SHROOM2: variants seen among roughly 807,000 people sequenced by gnomAD.
SHROOM2 encodes the protein protein Shroom2.
In SHROOM2, 33 loss-of-function variants were observed where a neutral mutation model predicts 75.9. That is an observed-to-expected ratio of 0.43 (90% CI 0.33 to 0.58). The LOEUF is 0.58. Among genes scored for constraint, SHROOM2 ranks in the 20% least tolerant of loss-of-function variants. The pLI is 0.04. For missense variants in SHROOM2, 1,434 were observed against 1,461.2 expected, an observed-to-expected ratio of 0.98 and a Z score of 0.30; for synonymous variants, 655 against 663.6, an observed-to-expected ratio of 0.99 and a Z score of 0.20.
intron 5 of SHROOM2, among the ~76,000 whole-genome samples, chrX:9,922,136 G>A (rs917256312): frequency 9.0e-6 from 1 of 111,620 alleles, no homozygotes; most frequent in African/African-American, 3.3e-5. Context: ...TCAGTGCATC[G>A]TTGAATTCCT....
intron 1 of SHROOM2, among the ~76,000 whole-genome samples, chrX:9,860,364 G>C (rs761514250): frequency 1.8e-5 from 2 of 112,021 alleles, no homozygotes; most frequent in South Asian, 7.5e-4. Flanking sequence ...ACATTCTTCT[G>C]TGGGTCTTGT....
intron 1 of SHROOM2, among the ~76,000 whole-genome samples, chrX:9,816,543 C>T (rs1421791825): frequency 9.1e-6 from 1 of 110,264 alleles, no homozygotes; most frequent in Non-Finnish European, 1.9e-5. Context: ...CCTTGTGGTC[C>T]TTGTGGTGGC....
chrX:9,809,006 C>CA (rs914500067), intron 1 of SHROOM2, among the ~76,000 whole-genome samples: 16 of 110,446 alleles, frequency 1.4e-4, no homozygotes, highest in African/African-American at 4.6e-4. Flanking sequence ...TTTATCACCC[C>CA]AAAAAAGAAT....
At chrX:9,850,428 T>C (rs1318672968) in intron 1 of SHROOM2, among the ~76,000 whole-genome samples, 1 of 112,029 alleles carries the variant, frequency 8.9e-6, no homozygotes, top group Non-Finnish European at 1.9e-5. Flanking sequence ...GTTAGCGGCC[T>C]GCTCCCTGGT....
At position 9,891,917 on chromosome X, in the gene SHROOM2, G is replaced by A. The variant is rs190353986; in HGVS notation, c.449+809G>A. 4.5e-3 allele frequency among the ~76,000 whole-genome samples: 493 copies of A among 110,163 alleles called. 1 individual carries two copies. Among genetic ancestry groups the A allele is most frequent in the African/African-American group, 0.015 (461 of 30,291 alleles). On this transcript the variant is annotated intron_variant, in intron 3 of 9. Coordinates refer to ENST00000380913, the MANE Select transcript of SHROOM2 (RefSeq NM_001649.4). ...TGCGCGTGCGTGCACACGCAGGTAT[G>A]TGTCTGTGTTTGGAGCTAATGTAAC...
chrX:9,915,832 C>T (rs1371336027), intron 5 of SHROOM2, among the ~76,000 whole-genome samples: 3 of 112,200 alleles, frequency 2.7e-5, no homozygotes, highest in Non-Finnish European at 5.6e-5. Context: ...AGAAGATAGG[C>T]AGGCAATGAT....
At chrX:9,839,106 G>A (rs185322250) in intron 1 of SHROOM2, among the ~76,000 whole-genome samples, 1 of 111,512 alleles carries the variant, frequency 9.0e-6, no homozygotes, top group East Asian at 2.8e-4. Context: ...AGGTGGCACT[G>A]GGTGTTGAGA....
In SHROOM2 at chrX:9,947,022, G is replaced by A; in HGVS notation, c.*85G>A. 2.1e-6 allele frequency: 2 copies of A among 947,526 alleles called. No homozygotes were observed. The highest frequency in any genetic ancestry group is 2.8e-6 in the Non-Finnish European group (2 of 702,234). 78.1% of individuals were successfully genotyped at this position (947,526 alleles called of 1,213,427 possible). ...GGATACTCGTGAAGACCCCATCTGT[G>A]TTCATGGCCTGGAAAGAGACTTCTC... On this transcript the variant is annotated 3_prime_UTR_variant, in exon 10 of 10. Coordinates refer to ENST00000380913, the MANE Select transcript of SHROOM2 (RefSeq NM_001649.4).
chrX:9,896,849 T>C (rs972982202), intron 4 of SHROOM2, 151 bp downstream of exon 4: 17 of 618,351 alleles, frequency 2.7e-5, no homozygotes, highest in Non-Finnish European at 3.5e-5. Flanking sequence ...TTAGAGGTAT[T>C]TGGGGACAAA....
At chrX:9,884,841 T>A (rs1601965618) in intron 2 of SHROOM2, among the ~76,000 whole-genome samples, 1 of 111,667 alleles carries the variant, frequency 9.0e-6, no homozygotes, top group Non-Finnish European at 1.9e-5. Flanking sequence ...GAAAACTCGA[T>A]ATTGTCGATA....
At chrX:9,929,041 C>T (rs898531912) in intron 5 of SHROOM2, among the ~76,000 whole-genome samples, 2 of 112,610 alleles carry the variant, frequency 1.8e-5, no homozygotes, top group African/African-American at 6.4e-5. Flanking sequence ...TAGACATGCA[C>T]GTAACACATA....
At chrX:9,863,379 T>A (rs2084115415) in intron 1 of SHROOM2, among the ~76,000 whole-genome samples, 1 of 110,626 alleles carries the variant, frequency 9.0e-6, no homozygotes, top group South Asian at 3.9e-4. Flanking sequence ...CCTTGGCCTG[T>A]GTGTCCATTA....
At chrX:9,851,605 C>T (rs771692633) in intron 1 of SHROOM2, among the ~76,000 whole-genome samples, 63 of 106,427 alleles carry the variant, frequency 5.9e-4, no homozygotes, top group South Asian at 1.3e-3. Flanking sequence ...CACAGGTGTG[C>T]GCCACCACAC....
At chrX:9,864,589 C>T (rs1473569418) in intron 1 of SHROOM2, among the ~76,000 whole-genome samples, 1 of 109,946 alleles carries the variant, frequency 9.1e-6, no homozygotes, top group African/African-American at 3.3e-5. Context: ...GAGGCCGAGG[C>T]GGGCAGATCA....
chrX:9,827,240 T>TTTTTTTTTTA (rs2083892696), intron 1 of SHROOM2, among the ~76,000 whole-genome samples: 8 of 98,793 alleles, frequency 8.1e-5, no homozygotes, highest in South Asian at 4.7e-4. Flanking sequence ...TTTTTTTTTT[T>TTTTTTTTTTA]GAGACAGGGT....
intron 1 of SHROOM2, among the ~76,000 whole-genome samples, chrX:9,860,085 T>C (rs2084095288): frequency 8.9e-6 from 1 of 111,813 alleles, no homozygotes; most frequent in African/African-American, 3.3e-5. Context: ...CCAGGAGACA[T>C]GTGGTAACAT....
intron 1 of SHROOM2, among the ~76,000 whole-genome samples, chrX:9,859,680 A>T (rs2084092640): frequency 1.8e-5 from 2 of 111,609 alleles, no homozygotes; most frequent in Admixed American, 1.9e-4. Context: ...GGCAAGAAAG[A>T]CCACTTTCTC....
At position 9,937,391 on chromosome X, in the gene SHROOM2, A is replaced by G. The variant is rs1225213423; in HGVS notation, c.3845A>G (p.Gln1282Arg). The G allele has an allele frequency of 8.3e-7, 1 of 1,205,204 alleles. No individual in the cohort carries two copies. The highest frequency in any genetic ancestry group is 1.1e-6 in the Non-Finnish European group (1 of 893,050). ...CATAGGGCCCAGCCGGCTGAGCCCC[A>G]GCCCCTGGGCACCCAGGTGCCCCCC... ...APHRAQPAEP[Q>R]PLGTQVPPEK... The change falls in exon 7 of 10, where the codon CAG (glutamine) becomes CGG (arginine). Residue 1282 changes from glutamine (Q) to arginine (R), a missense_variant. By Grantham distance (43) the Gln-to-Arg change is conservative (BLOSUM62 1). Transcript: ENST00000380913.
chrX:9,837,751 T>C (rs2083954780), intron 1 of SHROOM2, among the ~76,000 whole-genome samples: 1 of 111,939 alleles, frequency 8.9e-6, no homozygotes, highest in East Asian at 2.8e-4. Context: ...CCCAGCTCCT[T>C]GCGGCTGGGT....
Sources: allele counts gnomAD v4.1 joint callset (sites outside exome capture counted in the v4.1 genomes callset), GRCh38; gene constraint gnomAD v4.1.1; transcripts MANE v1.5; gene names NCBI Gene and HGNC (gene_info 2026-07-23, HGNC 2026-07-21).